The following LIPC variants were observed in gnomAD, a reference collection of about 807,000 sequenced individuals.
The protein encoded by LIPC is hepatic triacylglycerol lipase.
A neutral mutation model predicts 50.7 loss-of-function variants in LIPC; 44 were observed. The observed-to-expected ratio is 0.87, with a 90% CI of 0.68 to 1.11. The LOEUF is 1.11. Ranked by LOEUF, LIPC falls within the 50% of genes most tolerant of loss-of-function variation. The pLI, the probability that LIPC is intolerant of heterozygous loss-of-function variation, is 0.00. For missense variants in LIPC, 697 were observed against 648.2 expected, an observed-to-expected ratio of 1.08 and a Z score of -0.82; for synonymous variants, 271 against 256.4, an observed-to-expected ratio of 1.06 and a Z score of -0.54.
chr15:58,546,135 G>A (rs143765093), intron 5 of LIPC, among the ~76,000 whole-genome samples, 160 bp downstream of exon 5: 18 of 152,348 alleles, frequency 1.2e-4, no homozygotes, highest in African/African-American at 4.3e-4. Context: ...AAGGAATGCT[G>A]GAGTGGGCAA....
chr15:58,546,405 C>T (rs1192284886), intron 5 of LIPC, among the ~76,000 whole-genome samples: 1 of 152,102 alleles, frequency 6.6e-6, no homozygotes, highest in East Asian at 1.9e-4. Context: ...TGTGGCTTCT[C>T]GATGAAGGTC....
intron 1 of LIPC, among the ~76,000 whole-genome samples, chr15:58,490,793 G>A (rs1891559975): frequency 6.6e-6 from 1 of 152,210 alleles, no homozygotes; most frequent in Admixed American, 6.5e-5. Context: ...GTGCTACCTG[G>A]TCGCTTCCGG....
intron 1 of LIPC, among the ~76,000 whole-genome samples, chr15:58,501,840 G>C (rs912803516): frequency 6.6e-6 from 1 of 152,088 alleles, no homozygotes; most frequent in African/African-American, 2.4e-5. Context: ...ATGCTATCTT[G>C]GAGCCTCTGC....
Position 58,548,315 on chromosome 15 carries a change from TG to T in LIPC, c.809-14del, listed in dbSNP as rs1196660877. 6 of 1,613,864 alleles carry T rather than the reference TG, an allele frequency of 3.7e-6. No homozygotes were observed. The African/African-American group carries it at 8.0e-5, about 22-fold the overall frequency. ...GGTTAAGGGGTGATAACGTCCTTCT[TG>T]CCCTGTGTTCCAGCCATCACCCAGA... On this transcript the variant is annotated splice_polypyrimidine_tract_variant and intron_variant, in intron 5 of 8. Transcript: ENST00000299022.
intron 1 of LIPC, among the ~76,000 whole-genome samples, chr15:58,490,848 A>C (rs1234090521): frequency 6.6e-6 from 1 of 152,098 alleles, no homozygotes; most frequent in Admixed American, 6.5e-5. Flanking sequence ...GGAGGGCAGC[A>C]CTTGCAAAAA....
intron 1 of LIPC, among the ~76,000 whole-genome samples, chr15:58,479,402 T>C (rs1891111514): frequency 6.6e-6 from 1 of 152,260 alleles, no homozygotes; most frequent in South Asian, 2.1e-4. Flanking sequence ...GAATTTCTAA[T>C]AAATACCTTT....
At chr15:58,558,995 G>A (rs1242085139) in intron 6 of LIPC, among the ~76,000 whole-genome samples, 2 of 152,208 alleles carry the variant, frequency 1.3e-5, no homozygotes, top group Non-Finnish European at 2.9e-5. Flanking sequence ...TTTATGCCAA[G>A]GATAGGATTG....
intron 7 of LIPC, among the ~76,000 whole-genome samples, chr15:58,562,387 C>T (rs1170648379): frequency 6.6e-6 from 1 of 152,172 alleles, no homozygotes; most frequent in African/African-American, 2.4e-5. Context: ...CCAGTGAGTT[C>T]ATAACCCAGA....
chr15:58,516,763 T>C (rs1415858755), intron 1 of LIPC, among the ~76,000 whole-genome samples: 1 of 152,240 alleles, frequency 6.6e-6, no homozygotes, highest in African/African-American at 2.4e-5. Context: ...ATAAGAACTG[T>C]TTTAATGTTC....
In LIPC at chr15:58,545,906, G is replaced by T. The variant is rs371573112; in HGVS notation, c.739G>T (p.Gly247Trp). 2 of 1,614,166 alleles carry T rather than the reference G, an allele frequency of 1.2e-6. No individual in the cohort carries two copies. The highest frequency in any genetic ancestry group is 2.7e-5 in the African/African-American group (2 of 75,046). ...AGGACACTATGACTTCTATCCCAAC[G>T]GGGGCTCCTTCCAGCCTGGCTGCCA... The part of the protein sequence containing the change: ...PIGHYDFYPN[G>W]GSFQPGCHFL... Residue 247 changes from glycine to tryptophan, a missense_variant, in exon 5 of 9, where the codon GGG becomes TGG. Coordinates refer to ENST00000299022, the MANE Select transcript of LIPC (RefSeq NM_000236.3).
chr15:58,545,525 T>C (rs1893490823), intron 4 of LIPC, among the ~76,000 whole-genome samples: 1 of 152,232 alleles, frequency 6.6e-6, no homozygotes, highest in Non-Finnish European at 1.5e-5. Context: ...CTTTCCCCGC[T>C]AGCTAATGCC....
At chr15:58,515,689 T>A (rs796856271) in intron 1 of LIPC, among the ~76,000 whole-genome samples, 8 of 152,032 alleles carry the variant, frequency 5.3e-5, no homozygotes, top group African/African-American at 1.7e-4. Context: ...TTGTGAGACA[T>A]AATGAGGGCC....
chr15:58,482,582 T>C (rs1891226938), intron 1 of LIPC, among the ~76,000 whole-genome samples: 1 of 152,180 alleles, frequency 6.6e-6, no homozygotes, highest in Non-Finnish European at 1.5e-5. Context: ...ATGGGTCACT[T>C]AGCCACAGCC....
chr15:58,514,999 C>T (rs1595911864), intron 1 of LIPC, among the ~76,000 whole-genome samples: 1 of 152,116 alleles, frequency 6.6e-6, no homozygotes, highest in African/African-American at 2.4e-5. Context: ...GGACAGAATC[C>T]GTTTCCTCAC....
intron 2 of LIPC, among the ~76,000 whole-genome samples, chr15:58,541,430 T>A (rs866994189): frequency 1.1e-4 from 17 of 150,298 alleles, no homozygotes; most frequent in Non-Finnish European, 2.1e-4. Context: ...ATTTCTCCAC[T>A]GTTTTAAGGT....
chr15:58,462,696 A>C (rs1243284594), intron 1 of LIPC, among the ~76,000 whole-genome samples: 2 of 152,166 alleles, frequency 1.3e-5, no homozygotes, highest in African/African-American at 4.8e-5. Flanking sequence ...ACCTGCACAC[A>C]GCCCTTGACT....
intron 6 of LIPC, among the ~76,000 whole-genome samples, chr15:58,559,717 A>C (rs12911183): frequency 8.2e-6 from 1 of 121,258 alleles, no homozygotes; most frequent in Non-Finnish European, 1.8e-5. Flanking sequence ...AAAAAAAAAA[A>C]AAAAAAAACC....
chr15:58,506,627 C>T (rs776118046), intron 1 of LIPC, among the ~76,000 whole-genome samples: 4 of 152,302 alleles, frequency 2.6e-5, no homozygotes, highest in Middle Eastern at 3.4e-3. Context: ...ATGATACAGA[C>T]TGCTGAGAGG....
rs371573112 is a variant in LIPC, at chr15:58,545,906, G to A, written c.739G>A (p.Gly247Arg). 7.4e-5 allele frequency: 120 copies of A among 1,614,048 alleles called. 2 individuals carry two copies. The highest frequency in any genetic ancestry group is 3.1e-4 in the South Asian group (28 of 91,078). ...AGGACACTATGACTTCTATCCCAAC[G>A]GGGGCTCCTTCCAGCCTGGCTGCCA... The part of the protein sequence containing the change: ...PIGHYDFYPN[G>R]GSFQPGCHFL... The change falls in exon 5 of 9, where the codon GGG becomes AGG. Residue 247 changes from glycine to arginine, a missense_variant. Physicochemically the swap from Gly to Arg is moderately radical, Grantham distance 125 (BLOSUM62 -2). Coordinates refer to ENST00000299022, the MANE Select transcript of LIPC (RefSeq NM_000236.3).
Sources: allele counts gnomAD v4.1 joint callset (sites outside exome capture counted in the v4.1 genomes callset), GRCh38; gene constraint gnomAD v4.1.1; transcripts MANE v1.5; gene names NCBI Gene and HGNC (gene_info 2026-07-23, HGNC 2026-07-21).